The following HSD17B12 variants were observed in gnomAD, a reference collection of about 807,000 sequenced individuals.
HSD17B12 encodes hydroxysteroid 17-beta dehydrogenase 12, also known as very-long-chain 3-oxoacyl-CoA reductase.
In HSD17B12, 32 loss-of-function variants were observed where a neutral mutation model predicts 39.3. The observed-to-expected ratio is 0.81, with a 90% CI of 0.61 to 1.09. The LOEUF (loss-of-function observed/expected upper bound fraction) is 1.09, where lower values mean the gene tolerates loss of function less well. HSD17B12 is among the 50% of genes least tolerant of loss of function. HSD17B12 has a pLI of 0.00. For synonymous variants in HSD17B12, 150 were observed against 146.7 expected (o/e 1.02, Z -0.16); for missense variants, 342 against 382.9 (o/e 0.89, Z 0.89).
chr11:43,654,028 C>T, the HSD17B12 span, among the ~76,000 whole-genome samples: 5 of 152,040 alleles, frequency 3.3e-5, no homozygotes, highest in Non-Finnish European at 7.4e-5. Flanking sequence ...AAAAGTGTTC[C>T]TATTTCTCCA....
intron 9 of HSD17B12, among the ~76,000 whole-genome samples, chr11:43,840,386 A>G (rs1379887630): frequency 6.6e-6 from 1 of 152,122 alleles, no homozygotes; most frequent in Non-Finnish European, 1.5e-5. Flanking sequence ...TTGTGGTAAA[A>G]TAAACATAAA....
At chr11:43,679,812 G>A (rs920732107), upstream of HSD17B12, among the ~76,000 whole-genome samples, 2 of 152,108 alleles carry the variant, frequency 1.3e-5, no homozygotes, top group African/African-American at 4.8e-5. Flanking sequence ...TGGGAACTAA[G>A]TGATGTTTAG....
intron 1 of HSD17B12, among the ~76,000 whole-genome samples, chr11:43,690,006 G>A (rs575153500): frequency 2.8e-4 from 42 of 152,084 alleles, no homozygotes; most frequent in African/African-American, 9.4e-4. Flanking sequence ...TTCACGGAAT[G>A]CTCTTCCCCC....
intron 1 of HSD17B12, among the ~76,000 whole-genome samples, chr11:43,703,724 ACTTATGATT>A (rs1470701720): frequency 8.5e-5 from 13 of 152,108 alleles, no homozygotes; most frequent in African/African-American, 2.9e-4. Context: ...CATAGTAGCC[ACTTATGATT>A]CTTAGAATTT....
chr11:43,638,180 C>T, the HSD17B12 span, among the ~76,000 whole-genome samples: 1 of 152,122 alleles, frequency 6.6e-6, no homozygotes, highest in African/African-American at 2.4e-5. Context: ...ATAGAATGTT[C>T]GTGCTAAATG....
At chr11:43,681,615 C>T (rs1296487325) in intron 1 of HSD17B12, among the ~76,000 whole-genome samples, 2 of 151,658 alleles carry the variant, frequency 1.3e-5, no homozygotes. Context: ...GGAGTCCTAA[C>T]GAGTAGCAAG....
chr11:43,580,918 G>A, the HSD17B12 span, among the ~76,000 whole-genome samples: 2 of 152,034 alleles, frequency 1.3e-5, no homozygotes, highest in African/African-American at 4.8e-5. Flanking sequence ...GTGCTCTGGG[G>A]GAGTTTTTCT....
the HSD17B12 span, among the ~76,000 whole-genome samples, chr11:43,572,494 T>C: frequency 2.0e-5 from 3 of 152,316 alleles, no homozygotes; most frequent in East Asian, 3.9e-4. Context: ...GGCATGAGTA[T>C]TGGAGCCATA....
Position 43,815,503 on chromosome 11 carries a change from T to TGATC in HSD17B12, c.456+2_456+3insGATC. ...TTGGATGTTCCTGACTTGGACAATG[T>TGATC]AAGTCTTTCTTTGTGTATTATGGTA... On this transcript the variant is annotated splice_region_variant and intron_variant, in intron 5 of 10. Coordinates refer to ENST00000278353, the MANE Select transcript of HSD17B12 (RefSeq NM_016142.3). The TGATC allele has an allele frequency of 6.5e-7, 1 of 1,544,228 alleles. No individual in the cohort carries two copies. The highest frequency in any genetic ancestry group is 8.9e-7 in the Non-Finnish European group (1 of 1,127,188).
intron 1 of HSD17B12, among the ~76,000 whole-genome samples, chr11:43,722,101 G>A (rs1417257092): frequency 2.6e-5 from 4 of 152,152 alleles, no homozygotes; most frequent in Non-Finnish European, 5.9e-5. Context: ...CAACTTTGAG[G>A]CTTTTGGCTT....
At chr11:43,824,251 C>A (rs1311757065) in intron 6 of HSD17B12, among the ~76,000 whole-genome samples, 2 of 152,202 alleles carry the variant, frequency 1.3e-5, no homozygotes, top group African/African-American at 4.8e-5. Flanking sequence ...ACCTTTCAGG[C>A]ACTTGAGTTT....
At chr11:43,771,003 G>A (rs557745692) in intron 3 of HSD17B12, among the ~76,000 whole-genome samples, 253 of 152,102 alleles carry the variant, frequency 1.7e-3, no homozygotes, top group African/African-American at 5.9e-3. Flanking sequence ...TGTAAACTTC[G>A]GACATAGGAA....
intron 1 of HSD17B12, chr11:43,718,605 C>T (rs138755129): frequency 9.7e-5 from 56 of 579,192 alleles, no homozygotes; most frequent in Non-Finnish European, 1.3e-4. Flanking sequence ...TTTTGAAATT[C>T]ATCTGGGCAC....
At chr11:43,594,941 C>T in the HSD17B12 span, among the ~76,000 whole-genome samples, 3 of 152,136 alleles carry the variant, frequency 2.0e-5, no homozygotes, top group Non-Finnish European at 2.9e-5. Flanking sequence ...CCTGTGTAGT[C>T]AGAGCCTTTT....
chr11:43,601,158 C>G, the HSD17B12 span, among the ~76,000 whole-genome samples: 1 of 151,258 alleles, frequency 6.6e-6, no homozygotes, highest in Non-Finnish European at 1.5e-5. Context: ...GAGCTGCAAG[C>G]TGCTATTTAT....
At chr11:43,720,142 G>A (rs1382130679) in intron 1 of HSD17B12, among the ~76,000 whole-genome samples, 1 of 152,156 alleles carries the variant, frequency 6.6e-6, no homozygotes, top group African/African-American at 2.4e-5. Flanking sequence ...TATCTCCCCA[G>A]AGACCATTTT....
At chr11:43,752,387 G>A (rs928356981) in intron 2 of HSD17B12, among the ~76,000 whole-genome samples, 8 of 151,994 alleles carry the variant, frequency 5.3e-5, no homozygotes, top group Non-Finnish European at 1.0e-4. Flanking sequence ...GATAGTTTTT[G>A]CCTAGATTGG....
rs200659555 is a variant in HSD17B12, at chr11:43,680,844, C to T, written c.17C>T (p.Pro6Leu). 3.1e-4 allele frequency: 497 copies of T among 1,614,146 alleles called. No individual in the cohort carries two copies. Among genetic ancestry groups the T allele is most frequent in the Admixed American group, 1.0e-3 (62 of 60,030 alleles). MESAL[P>L]AAGFLYWVGA... ...TGGAAAGCCATGGAGAGCGCTCTCC[C>T]CGCCGCCGGCTTCCTGTACTGGGTC... Residue 6 changes from proline to leucine, a missense_variant, in exon 1 of 11, where the codon CCC (proline) becomes CTC (leucine). By Grantham distance (98) the Pro-to-Leu change is moderately conservative. Transcript: ENST00000278353.
At chr11:43,601,218 T>C in the HSD17B12 span, among the ~76,000 whole-genome samples, 1 of 152,120 alleles carries the variant, frequency 6.6e-6, no homozygotes, top group Admixed American at 6.5e-5. Context: ...CATGTTCTTA[T>C]TAGGCTATTT....
Sources: gnomAD v4.1 joint callset for allele counts (sites outside exome capture counted in the v4.1 genomes callset) on GRCh38, gnomAD v4.1.1 for gene constraint, MANE v1.5 for transcripts, NCBI Gene and HGNC (gene_info 2026-07-23, HGNC 2026-07-21) for gene names.